AKR1B10: variants seen among roughly 807,000 people sequenced by gnomAD.
The protein encoded by AKR1B10 is aldo-keto reductase family 1 member B10.
A neutral mutation model predicts 38.9 loss-of-function variants in AKR1B10; 39 were observed. The observed-to-expected ratio is 1.00, with a 90% CI of 0.78 to 1.31. The LOEUF (loss-of-function observed/expected upper bound fraction) is 1.31, where lower values mean the gene tolerates loss of function less well. Ranked by LOEUF, AKR1B10 falls within the 50% of genes most tolerant of loss-of-function variation. The probability of loss-of-function intolerance (pLI) is 0.00; values close to 1 mark genes in which losing one functional copy is unlikely to be tolerated. For missense variants in AKR1B10, 361 were observed against 382.6 expected, an observed-to-expected ratio of 0.94 and a Z score of 0.47; for synonymous variants, 148 against 141.2, an observed-to-expected ratio of 1.05 and a Z score of -0.34.
At chr7:134,540,205 G>A (rs1296589108) in intron 9 of AKR1B10, among the ~76,000 whole-genome samples, 1 of 151,854 alleles carries the variant, frequency 6.6e-6, no homozygotes, top group Non-Finnish European at 1.5e-5. Flanking sequence ...GTGACAGCGC[G>A]AGACTCTGTC....
chr7:134,536,312 A>G (rs1390888888), intron 4 of AKR1B10, among the ~76,000 whole-genome samples: 1 of 152,098 alleles, frequency 6.6e-6, no homozygotes, highest in African/African-American at 2.4e-5. Flanking sequence ...GTTGATTTTT[A>G]TTTACTTTTT....
At position 134,528,399 on chromosome 7, in the gene AKR1B10, A is replaced by G. The variant is rs1233715604; in HGVS notation, c.66+422A>G. ...CAGATCACGGTGTGAGACTTGGGCT[A>G]GCAGCATCCCTATGACCTGGAAACT... On this transcript the variant is annotated intron_variant, in intron 1 of 9. Coordinates refer to ENST00000359579, the MANE Select transcript of AKR1B10 (RefSeq NM_020299.5). Among the ~76,000 whole-genome samples the G allele has an allele frequency of 2.0e-5, 3 of 152,030 alleles. No individual in the cohort carries two copies. The East Asian group carries it at 5.8e-4, about 29-fold the overall frequency.
Position 134,530,769 on chromosome 7 carries a change from G to C in AKR1B10, c.193G>C (p.Glu65Gln). ...GGAAGCCATCCAAGAGAAGATCCAA[G>C]AGAAGGCTGTGAAGCGGGAGGACCT... ...VGEAIQEKIQEKAVKREDLFI... is the reference protein window; with the variant it reads ...VGEAIQEKIQQKAVKREDLFI... Residue 65 changes from glutamate to glutamine, a missense_variant, in exon 2 of 10, where the codon GAG (glutamate) becomes CAG (glutamine). Transcript: ENST00000359579. 6.2e-7 allele frequency: 1 copy of C among 1,614,000 alleles called. No homozygotes were observed. The highest frequency in any genetic ancestry group is 1.3e-5 in the African/African-American group (1 of 75,052).
rs1373747866 is a variant in AKR1B10, at chr7:134,541,383, A to T, written c.*294A>T. The T allele has an allele frequency of 3.1e-6, 1 of 319,788 alleles. No homozygotes were observed. Among genetic ancestry groups the T allele is most frequent in the Non-Finnish European group, 5.7e-6 (1 of 176,352 alleles). 19.8% of individuals were successfully genotyped at this position (319,788 alleles called of 1,614,324 possible). A position where few individuals can be genotyped will look rare whatever the true frequency, so the allele number is the denominator to read the frequency against. ...CTCTGCCAACACTGAGGATGTAAAGATCAATAAAAAAAATAATAATCATAA... is the reference window on the plus strand; with the variant it reads ...CTCTGCCAACACTGAGGATGTAAAGTTCAATAAAAAAAATAATAATCATAA... On this transcript the variant is annotated 3_prime_UTR_variant, in exon 10 of 10. Coordinates refer to ENST00000359579, the MANE Select transcript of AKR1B10 (RefSeq NM_020299.5).
chr7:134,532,902 G>T, intron 3 of AKR1B10, 102 bp from the exon 4 acceptor site: 3 of 910,466 alleles, frequency 3.3e-6, no homozygotes, highest in Non-Finnish European at 1.7e-6. Flanking sequence ...AAAGTGGTAT[G>T]CAGATGTGGT....
Position 134,530,623 on chromosome 7 carries a change from G to A in AKR1B10, c.67-20G>A. The A allele has an allele frequency of 1.9e-6, 3 of 1,613,614 alleles. No individual in the cohort carries two copies. The South Asian group carries it at 3.3e-5, about 18-fold the overall frequency. On this transcript the variant is annotated intron_variant, in intron 1 of 9. Coordinates refer to ENST00000359579, the MANE Select transcript of AKR1B10 (RefSeq NM_020299.5). ...CTTAAAAAAAACACATATGTGATGAGCTTTTCTTTTGCCTTTCAGTCTCCT... is the reference window on the plus strand; with the variant it reads ...CTTAAAAAAAACACATATGTGATGAACTTTTCTTTTGCCTTTCAGTCTCCT...
In AKR1B10 at chr7:134,541,181, T is replaced by A; in HGVS notation, c.*92T>A. On this transcript the variant is annotated 3_prime_UTR_variant, in exon 10 of 10. Transcript: ENST00000359579. ...TCATGTCCCATTTTAGCCAAGCTTA[T>A]TTAAGATCACAGTGAACTTAGTCCT... 1.0e-6 allele frequency: 1 copy of A among 1,001,400 alleles called. No homozygotes were observed. The highest frequency in any genetic ancestry group is 1.5e-6 in the Non-Finnish European group (1 of 661,222). The allele number at this position is 1,001,400 out of a possible 1,614,324, so 62.0% of individuals were successfully genotyped here. A position where few individuals can be genotyped will look rare whatever the true frequency, so the allele number is the denominator to read the frequency against.
At chr7:134,532,066 G>T in intron 3 of AKR1B10, 42 bp downstream of exon 3, 1 of 1,610,216 alleles carries the variant, frequency 6.2e-7, no homozygotes, top group Non-Finnish European at 8.5e-7. Flanking sequence ...TTCTGAGCAG[G>T]TGCCAGAAAA....
chr7:134,540,106 T>G (rs1209429225), intron 9 of AKR1B10, among the ~76,000 whole-genome samples: 2 of 151,788 alleles, frequency 1.3e-5, no homozygotes, highest in Admixed American at 1.3e-4. Flanking sequence ...TAGTCCCAGC[T>G]AATTAGGAGG....
chr7:134,541,020 G>GT, intron 9 of AKR1B10, 27 bp from the exon 10 acceptor site: 23 of 1,507,482 alleles, frequency 1.5e-5, no homozygotes, highest in Non-Finnish European at 2.1e-5. Flanking sequence ...CAGTTTCTCT[G>GT]TTTTTGTTTT....
chr7:134,535,585 C>CCTTTTTTTTTTT (rs1554396831), intron 4 of AKR1B10: 8 of 410,556 alleles, frequency 1.9e-5, no homozygotes, highest in African/African-American at 1.2e-4. Flanking sequence ...TCTTTTCTGT[C>CCTTTTTTTTTTT]TTTTTTTTTT....
intron 4 of AKR1B10, among the ~76,000 whole-genome samples, chr7:134,534,517 G>GT (rs1807946198): frequency 6.6e-6 from 1 of 152,058 alleles, no homozygotes; most frequent in African/African-American, 2.4e-5. Flanking sequence ...TCGCAGTGCT[G>GT]TTTTTTGAAT....
chr7:134,529,542 G>A (rs964465640), intron 1 of AKR1B10, among the ~76,000 whole-genome samples: 10 of 152,120 alleles, frequency 6.6e-5, no homozygotes, highest in African/African-American at 1.9e-4. Flanking sequence ...AGGGTGTAGC[G>A]TAGCGGTTGG....
At chr7:134,535,751 G>A (rs1226311328) in intron 4 of AKR1B10, 4 of 926,112 alleles carry the variant, frequency 4.3e-6, no homozygotes, top group Non-Finnish European at 5.2e-6. Flanking sequence ...ATGATTGATG[G>A]CTCCATAGAA....
At chr7:134,530,535 T>G in intron 1 of AKR1B10, 108 bp from the exon 2 acceptor site, 4 of 1,184,212 alleles carry the variant, frequency 3.4e-6, no homozygotes, top group Non-Finnish European at 3.6e-6. Context: ...ACTCGGGAGG[T>G]GGGAGGGTTG....
At chr7:134,529,785 CTTTCT>C (rs1004469406) in intron 1 of AKR1B10, among the ~76,000 whole-genome samples, 5 of 151,762 alleles carry the variant, frequency 3.3e-5, no homozygotes, top group African/African-American at 9.7e-5. Flanking sequence ...TTCTTTTTTT[CTTTCT>C]TTTCTTTTCT....
intron 3 of AKR1B10, 126 bp from the exon 4 acceptor site, chr7:134,532,878 C>T: frequency 2.8e-6 from 2 of 711,678 alleles, no homozygotes; most frequent in South Asian, 3.4e-5. Flanking sequence ...AAAGTATGTA[C>T]TCCAGAACTT....
chr7:134,528,331 T>C (rs1187254769), intron 1 of AKR1B10, among the ~76,000 whole-genome samples: 1 of 152,108 alleles, frequency 6.6e-6, no homozygotes, highest in Non-Finnish European at 1.5e-5. Context: ...GGCTGGGTGG[T>C]TGAGGAGAGG....
At chr7:134,529,653 A>G (rs1359050906) in intron 1 of AKR1B10, among the ~76,000 whole-genome samples, 1 of 152,150 alleles carries the variant, frequency 6.6e-6, no homozygotes, top group African/African-American at 2.4e-5. Context: ...AATGTTTGTT[A>G]TCTCACAATT....
Sources: gnomAD v4.1 joint callset for allele counts (sites outside exome capture counted in the v4.1 genomes callset) on GRCh38, gnomAD v4.1.1 for gene constraint, MANE v1.5 for transcripts, NCBI Gene and HGNC (gene_info 2026-07-23, HGNC 2026-07-21) for gene names.